Variants in MSRA observed in about 807,000 individuals in gnomAD.
The protein encoded by MSRA is mitochondrial peptide methionine sulfoxide reductase.
In MSRA, 54 loss-of-function variants were observed where a neutral mutation model predicts 31.3. The ratio of observed to expected loss-of-function variants is 1.73; its 90% CI spans 1.39 to 2.17. MSRA has a LOEUF of 2.17. Among genes scored for constraint, MSRA ranks in the 30% most tolerant of loss-of-function variants. The pLI, the probability that MSRA is intolerant of heterozygous loss-of-function variation, is 0.00. For synonymous variants in MSRA, 169 were observed against 116.5 expected (o/e 1.45, Z -2.90); for missense variants, 507 against 300.9 (o/e 1.69, Z -5.07).
intron 3 of MSRA, among the ~76,000 whole-genome samples, chr8:10,293,637 G>C (rs1800369773): frequency 6.6e-6 from 1 of 152,190 alleles, no homozygotes; most frequent in Non-Finnish European, 1.5e-5. Context: ...GGTCCGACGT[G>C]TCTCTGGTTC....
chr8:10,421,787 A>G (rs970254685), intron 5 of MSRA, among the ~76,000 whole-genome samples: 1 of 152,054 alleles, frequency 6.6e-6, no homozygotes, highest in Admixed American at 6.5e-5. Flanking sequence ...GATGAGGCCT[A>G]GGGGGCTGGG....
At chr8:10,293,396 G>A (rs143485861) in intron 3 of MSRA, among the ~76,000 whole-genome samples, 19 of 152,294 alleles carry the variant, frequency 1.2e-4, no homozygotes, top group South Asian at 6.2e-4. Context: ...GTCATCTGCC[G>A]TGACCGCTTC....
intron 1 of MSRA, among the ~76,000 whole-genome samples, chr8:10,099,964 T>G (rs1041478158): frequency 1.3e-5 from 2 of 152,168 alleles, no homozygotes; most frequent in Non-Finnish European, 2.9e-5. Context: ...TTAAAGTGTT[T>G]CTTTTGAGGG....
chr8:10,108,563 A>C (rs1405868089), intron 1 of MSRA, among the ~76,000 whole-genome samples: 1 of 152,154 alleles, frequency 6.6e-6, no homozygotes, highest in Non-Finnish European at 1.5e-5. Context: ...TCAGAAAGTT[A>C]AGGCACTGTC....
chr8:10,120,877 G>A (rs908541818), intron 1 of MSRA, among the ~76,000 whole-genome samples: 7 of 152,114 alleles, frequency 4.6e-5, no homozygotes, highest in African/African-American at 1.7e-4. Context: ...TCCATGATTT[G>A]CATGTTTACC....
At chr8:10,151,243 C>A (rs532213937) in intron 1 of MSRA, among the ~76,000 whole-genome samples, 22 of 127,134 alleles carry the variant, frequency 1.7e-4, no homozygotes, top group African/African-American at 6.0e-4. Flanking sequence ...GCCTGGGTGA[C>A]AGAGCGAGAG....
intron 5 of MSRA, among the ~76,000 whole-genome samples, chr8:10,418,443 G>T (rs1299283535): frequency 1.3e-5 from 2 of 152,138 alleles, no homozygotes; most frequent in African/African-American, 4.8e-5. Context: ...GCGACTGCTG[G>T]GGGATGGGCA....
At position 10,319,922 on chromosome 8, in the gene MSRA, C is replaced by G. The variant is rs576981803; in HGVS notation, c.476C>G (p.Ser159Trp). Reference sequence around the variant, plus strand: ...AACGACCATGGCACTCAGTACCGCTCGGCCATCTACCCGACCTCTGCCAAG... The same window carrying G: ...AACGACCATGGCACTCAGTACCGCTGGGCCATCTACCCGACCTCTGCCAAG... ...QGNDHGTQYR[S>W]AIYPTSAKQM... Residue 159 changes from serine (S) to tryptophan (W), a missense_variant, in exon 5 of 6, where the codon TCG (serine) becomes TGG (tryptophan). Physicochemically the swap from Ser to Trp is radical, Grantham distance 177. Transcript: ENST00000317173. 1 of 1,599,350 alleles carries G rather than the reference C, an allele frequency of 6.3e-7. No individual in the cohort carries two copies. The highest frequency in any genetic ancestry group is 8.5e-7 in the Non-Finnish European group (1 of 1,173,340).
intron 2 of MSRA, among the ~76,000 whole-genome samples, chr8:10,218,132 A>ATTTG (rs1444633041): frequency 1.4e-5 from 2 of 145,746 alleles, no homozygotes; most frequent in Non-Finnish European, 3.0e-5. Context: ...TTATTTATTT[A>ATTTG]TTTATTTATT....
At chr8:10,093,384 C>G (rs183191453) in intron 1 of MSRA, among the ~76,000 whole-genome samples, 1 of 152,184 alleles carries the variant, frequency 6.6e-6, no homozygotes, top group East Asian at 1.9e-4. Flanking sequence ...TTACAGTTAA[C>G]ATCTTAATTT....
At chr8:10,141,610 C>G (rs561544872) in intron 1 of MSRA, among the ~76,000 whole-genome samples, 5 of 152,132 alleles carry the variant, frequency 3.3e-5, no homozygotes, top group African/African-American at 1.2e-4. Flanking sequence ...CTGCTGTGCA[C>G]ATAATTTGTA....
chr8:10,106,523 G>A (rs1585159212), intron 1 of MSRA, among the ~76,000 whole-genome samples: 1 of 152,246 alleles, frequency 6.6e-6, no homozygotes, highest in South Asian at 2.1e-4. Flanking sequence ...TTTTCTCTAG[G>A]TTATCTAAGT....
intron 1 of MSRA, among the ~76,000 whole-genome samples, chr8:10,179,481 A>T (rs1806353520): frequency 6.6e-6 from 1 of 152,200 alleles, no homozygotes; most frequent in South Asian, 2.1e-4. Context: ...GTCATTCTGA[A>T]CAGAAGGGTT....
At chr8:10,192,419 C>T (rs761828467) in intron 1 of MSRA, among the ~76,000 whole-genome samples, 10 of 152,198 alleles carry the variant, frequency 6.6e-5, no homozygotes, top group Non-Finnish European at 1.3e-4. Context: ...CCAGCTGACA[C>T]CTTGATTGCA....
intron 3 of MSRA, among the ~76,000 whole-genome samples, chr8:10,285,888 C>G (rs1233557221): frequency 6.6e-6 from 1 of 152,086 alleles, no homozygotes; most frequent in Non-Finnish European, 1.5e-5. Flanking sequence ...TCTTCTTCTG[C>G]TTTTATTTCT....
At chr8:10,279,455 G>A (rs1031186114) in intron 3 of MSRA, among the ~76,000 whole-genome samples, 1 of 152,008 alleles carries the variant, frequency 6.6e-6, no homozygotes, top group African/African-American at 2.4e-5. Flanking sequence ...TCTCATCTTT[G>A]GGGCAGCGTT....
intron 1 of MSRA, among the ~76,000 whole-genome samples, chr8:10,084,167 C>T (rs956757615): frequency 1.4e-4 from 21 of 152,242 alleles, no homozygotes; most frequent in African/African-American, 3.9e-4. Context: ...GACTTGTCCA[C>T]GCTTCCAAGT....
intron 1 of MSRA, among the ~76,000 whole-genome samples, chr8:10,128,428 A>G (rs1801656861): frequency 1.3e-5 from 2 of 152,182 alleles, no homozygotes; most frequent in African/African-American, 4.8e-5. Flanking sequence ...TCAGATGTGA[A>G]CATAAACACG....
chr8:10,289,505 T>A (rs1413669378), intron 3 of MSRA, among the ~76,000 whole-genome samples: 1 of 152,216 alleles, frequency 6.6e-6, no homozygotes, highest in Admixed American at 6.5e-5. Flanking sequence ...ATTTATCCTT[T>A]GTGTTACAGA....
Sources: gnomAD v4.1 joint callset for allele counts (sites outside exome capture counted in the v4.1 genomes callset) on GRCh38, gnomAD v4.1.1 for gene constraint, MANE v1.5 for transcripts, NCBI Gene and HGNC (gene_info 2026-07-23, HGNC 2026-07-21) for gene names.